The following CWF19L2 variants were observed in gnomAD, a reference collection of about 807,000 sequenced individuals.
The protein encoded by CWF19L2 is CWF19 like cell cycle control factor 2.
Under a neutral mutation model 111.7 loss-of-function variants are expected in CWF19L2, and 98 were observed. The observed-to-expected ratio is 0.88, with a 90% CI of 0.75 to 1.04. CWF19L2 has a LOEUF of 1.04. Among genes scored for constraint, CWF19L2 ranks in the 50% least tolerant of loss-of-function variants. The pLI is 0.00. For missense variants in CWF19L2, 1,101 were observed against 1,051.4 expected (o/e 1.05, Z -0.65); for synonymous variants, 351 against 342.9 (o/e 1.02, Z -0.26).
intron 7 of CWF19L2, among the ~76,000 whole-genome samples, chr11:107,429,806 C>CAAAAAAAAAA (rs33980353): frequency 9.5e-6 from 1 of 105,698 alleles, no homozygotes; most frequent in South Asian, 3.2e-4. Flanking sequence ...AGATTCTCAC[C>CAAAAAAAAAA]AAAAAAAAAA....
In CWF19L2 at chr11:107,431,433, T is replaced by C. The variant is rs143002813; in HGVS notation, c.781-1982A>G. 4.3e-3 allele frequency among the ~76,000 whole-genome samples: 656 copies of C among 152,104 alleles called. 3 individuals are homozygous for C. The highest frequency in any genetic ancestry group is 0.014 in the African/African-American group (584 of 41,548). On this transcript the variant is annotated intron_variant, in intron 7 of 17. Transcript: ENST00000282251. ...AAAAATACTGAAGAGCATAAATAAA[T>C]AGTGTTTTGGGATGGGATGACTCTA...
intron 3 of CWF19L2, among the ~76,000 whole-genome samples, chr11:107,445,494 C>T (rs1373484119): frequency 2.0e-5 from 3 of 152,034 alleles, no homozygotes; most frequent in Admixed American, 2.0e-4. Context: ...CTCCCACCTA[C>T]TTGAGAGGCT....
At chr11:107,425,766 A>C (rs1420895172) in intron 8 of CWF19L2, among the ~76,000 whole-genome samples, 4 of 151,888 alleles carry the variant, frequency 2.6e-5, no homozygotes, top group Non-Finnish European at 5.9e-5. Flanking sequence ...TACAGTAACA[A>C]ACTCTGCCAA....
Position 107,432,588 on chromosome 11 carries a change from A to G in CWF19L2, c.780+1046T>C, listed in dbSNP as rs77356091. On this transcript the variant is annotated intron_variant, in intron 7 of 17. Transcript: ENST00000282251. Reference sequence around the variant, plus strand: ...ACAGAGCAAGACTCCACCTCAAAATAAAAATAAAATTCCAATTCACCAGTA... The same window carrying G: ...ACAGAGCAAGACTCCACCTCAAAATGAAAATAAAATTCCAATTCACCAGTA... Among the ~76,000 whole-genome samples, 234 of 152,342 alleles carry G rather than the reference A, an allele frequency of 1.5e-3. 2 individuals are homozygous for G. Among genetic ancestry groups the G allele is most frequent in the African/African-American group, 5.3e-3 (222 of 41,594 alleles).
At chr11:107,407,627 G>C (rs1471123016) in intron 10 of CWF19L2, among the ~76,000 whole-genome samples, 4 of 104,144 alleles carry the variant, frequency 3.8e-5, no homozygotes, top group Non-Finnish European at 8.7e-5. Context: ...ACTGAGGAAG[G>C]AGAGAGGCTG....
Position 107,369,080 on chromosome 11 carries a change from T to C in CWF19L2, c.1873-15344A>G, listed in dbSNP as rs182186835. The stretch of plus-strand genomic sequence containing the variant: ...CCTTTCTTCCCTTTCCAGCAACTCC[T>C]CCAAATCAGAATTTAGCTTGGCCAG... On this transcript the variant is annotated intron_variant, in intron 12 of 17. Coordinates refer to ENST00000282251, the MANE Select transcript of CWF19L2 (RefSeq NM_152434.3). Among the ~76,000 whole-genome samples, 146 of 137,838 alleles carry C rather than the reference T, an allele frequency of 1.1e-3. 37 individuals are homozygous for C. Among genetic ancestry groups the C allele is most frequent in the African/African-American group, 4.1e-3 (142 of 34,666 alleles). The allele number at this position is 137,838 out of a possible 152,430, so 90.4% of individuals were successfully genotyped here. A position where few individuals can be genotyped will look rare whatever the true frequency, so the allele number is the denominator to read the frequency against.
intron 8 of CWF19L2, among the ~76,000 whole-genome samples, chr11:107,428,334 G>A (rs1861409245): frequency 6.6e-6 from 1 of 152,006 alleles, no homozygotes; most frequent in Non-Finnish European, 1.5e-5. Context: ...CCCTCTGCAA[G>A]ATCTCTGGCA....
At chr11:107,440,582 A>G (rs1861607274) in intron 5 of CWF19L2, among the ~76,000 whole-genome samples, 1 of 152,202 alleles carries the variant, frequency 6.6e-6, no homozygotes, top group Non-Finnish European at 1.5e-5. Context: ...TACACATAAG[A>G]TACTCAACAG....
At chr11:107,446,555 A>T (rs1861704567) in intron 3 of CWF19L2, among the ~76,000 whole-genome samples, 1 of 152,106 alleles carries the variant, frequency 6.6e-6, no homozygotes. Flanking sequence ...AATAAAGCCA[A>T]CATCTTCTTC....
chr11:107,371,430 A>T (rs1860508908), intron 12 of CWF19L2, among the ~76,000 whole-genome samples: 1 of 137,714 alleles, frequency 7.3e-6, no homozygotes, highest in Non-Finnish European at 1.6e-5. Context: ...ACTCAAGACT[A>T]TTCTCCCATA....
intron 12 of CWF19L2, among the ~76,000 whole-genome samples, chr11:107,360,732 G>C (rs1320192160): frequency 1.3e-5 from 2 of 152,292 alleles, no homozygotes; most frequent in East Asian, 3.9e-4. Flanking sequence ...TTTTTCAGAT[G>C]ATTAGCGATG....
intron 10 of CWF19L2, among the ~76,000 whole-genome samples, chr11:107,399,558 C>T (rs1163221622): frequency 3.9e-5 from 6 of 152,142 alleles, no homozygotes; most frequent in Non-Finnish European, 7.4e-5. Flanking sequence ...AACACTGGTG[C>T]TCCCAAATTT....
intron 1 of CWF19L2, among the ~76,000 whole-genome samples, chr11:107,456,198 T>C (rs75037648): frequency 0.013 from 1,972 of 152,256 alleles, 26 homozygotes; most frequent in South Asian, 0.039. Context: ...GCCCCAAAAA[T>C]GCCTCAGGAA....
At chr11:107,342,890 A>T (rs546821402) in intron 14 of CWF19L2, among the ~76,000 whole-genome samples, 1 of 152,332 alleles carries the variant, frequency 6.6e-6, no homozygotes, top group Admixed American at 6.5e-5. Flanking sequence ...ATATGATGAC[A>T]GAAGCAGAGA....
chr11:107,449,305 C>T (rs920987049), intron 3 of CWF19L2, among the ~76,000 whole-genome samples: 1 of 152,012 alleles, frequency 6.6e-6, no homozygotes, highest in Non-Finnish European at 1.5e-5. Context: ...AATACAATGT[C>T]TGCAAATCCA....
chr11:107,410,118 C>T (rs1861135622), intron 10 of CWF19L2, among the ~76,000 whole-genome samples: 1 of 152,076 alleles, frequency 6.6e-6, no homozygotes, highest in Non-Finnish European at 1.5e-5. Context: ...TTCCAACAAA[C>T]GAGCTAAGCA....
intron 3 of CWF19L2, 62 bp from the exon 4 acceptor site, chr11:107,443,111 G>T (rs182162944): frequency 3.7e-6 from 4 of 1,077,726 alleles, no homozygotes; most frequent in East Asian, 5.2e-5. Context: ...TAAAAATTCT[G>T]TGCTGTTAAG....
rs111711650 is a variant in CWF19L2 at position 107,371,804 on chromosome 11, A to G, written c.1873-18068T>C. ...CGGTCATTGCTGTCACCATTCTGAC[A>G]TTCTTAAAAAGTGATCTCTACCAAA... is the stretch of plus-strand genomic sequence containing the variant. On this transcript the variant is annotated intron_variant, in intron 12 of 17. Coordinates refer to ENST00000282251, the MANE Select transcript of CWF19L2 (RefSeq NM_152434.3). 3.0e-4 allele frequency among the ~76,000 whole-genome samples: 41 copies of G among 137,006 alleles called. 7 individuals are homozygous for G. The highest frequency in any genetic ancestry group is 1.2e-3 in the African/African-American group (41 of 34,218). 89.9% of individuals were successfully genotyped at this position (137,006 alleles called of 152,430 possible).
chr11:107,392,669 TG>T, intron 11 of CWF19L2, 109 bp downstream of exon 11: 1 of 581,172 alleles, frequency 1.7e-6, no homozygotes, highest in South Asian at 2.3e-5. Context: ...CTTCCAATAT[TG>T]GCATTCAAAA....
Sources: gnomAD v4.1 joint callset for allele counts (sites outside exome capture counted in the v4.1 genomes callset) on GRCh38, gnomAD v4.1.1 for gene constraint, MANE v1.5 for transcripts, NCBI Gene and HGNC (gene_info 2026-07-23, HGNC 2026-07-21) for gene names.